Variants in IPP observed in about 807,000 individuals in gnomAD.
IPP encodes the protein actin-binding protein IPP.
IPP carries 41 observed loss-of-function variants against 64.1 expected under a neutral mutation model. The ratio of observed to expected loss-of-function variants is 0.64; its 90% CI spans 0.50 to 0.83. The LOEUF (loss-of-function observed/expected upper bound fraction) is 0.83. Ranked by LOEUF, IPP falls within the 40% of genes least tolerant of loss-of-function variation. The pLI, the probability that IPP is intolerant of heterozygous loss-of-function variation, is 0.00. For synonymous variants in IPP, 214 were observed against 235.2 expected, an observed-to-expected ratio of 0.91 and a Z score of 0.83; for missense variants, 649 against 703.0, an observed-to-expected ratio of 0.92 and a Z score of 0.87.
chr1:45,746,426 A>C lies in IPP; in HGVS notation c.-15T>G. 6.3e-7 allele frequency: 1 copy of C among 1,588,314 alleles called. No homozygotes were observed. Among genetic ancestry groups the C allele is most frequent in the Non-Finnish European group, 8.6e-7 (1 of 1,160,644 alleles). The stretch of plus-strand genomic sequence containing the variant: ...TCATTAGCCATGATGACGGTAGATT[A>C]ATTAAAAGGACTGTTGCCCATAATC... On this transcript the variant is annotated 5_prime_UTR_variant, in exon 2 of 9. It adds an upstream start codon to the 5' untranslated region. Transcript: ENST00000396478.
chr1:45,722,944 A>G lies in IPP; in HGVS notation c.1049-3604T>C, dbSNP rs968974723. 5.9e-5 allele frequency among the ~76,000 whole-genome samples: 9 copies of G among 152,360 alleles called. 1 individual carries two copies. Among genetic ancestry groups the G allele is most frequent in the Admixed American group, 1.3e-4 (2 of 15,294 alleles). Reference sequence around the variant, plus strand: ...GGCAAGCCATAGAGACATAAAGTAGATTAGCGGTTACTAGGGTTTAGGAGG... The same window carrying G: ...GGCAAGCCATAGAGACATAAAGTAGGTTAGCGGTTACTAGGGTTTAGGAGG... On this transcript the variant is annotated intron_variant, in intron 5 of 8. Transcript: ENST00000396478.
rs149179275 is a variant in IPP, at chr1:45,741,310, A to G, written c.315T>C (p.Asn105=). The change falls in exon 3 of 9, where the codon AAT becomes AAC. Residue 105 remains asparagine (N), a synonymous_variant. Coordinates refer to ENST00000396478, the MANE Select transcript of IPP (RefSeq NM_005897.3). ...IYTGIVNIGV[N]NVQELIIAAD... is the part of the protein sequence containing the mutation. Reference sequence around the variant, plus strand: ...CTGCAATAATCAACTCCTGGACATTATTCACACCTATGTTCACTATACCTA... The same window carrying G: ...CTGCAATAATCAACTCCTGGACATTGTTCACACCTATGTTCACTATACCTA... The G allele has an allele frequency of 7.9e-5, 127 of 1,611,954 alleles. No homozygotes were observed. Among genetic ancestry groups the G allele is most frequent in the Non-Finnish European group, 1.0e-4 (119 of 1,178,472 alleles).
intron 7 of IPP, among the ~76,000 whole-genome samples, chr1:45,716,114 T>C (rs1011060611): frequency 6.6e-6 from 1 of 152,200 alleles, no homozygotes; most frequent in East Asian, 1.9e-4. Flanking sequence ...ATTAAAATAA[T>C]GTTTGTATAC....
intron 8 of IPP, among the ~76,000 whole-genome samples, chr1:45,708,679 C>CAAAA (rs770829388): frequency 2.8e-5 from 1 of 36,042 alleles, no homozygotes; most frequent in African/African-American, 9.4e-5. Context: ...AACTCACCTC[C>CAAAA]AAAAAAAAAA....
Position 45,714,366 on chromosome 1 carries a change from T to A in IPP, c.1410A>T (p.Pro470=), listed in dbSNP as rs150261873. The change falls in exon 8 of 9, where the codon CCA becomes CCT. Residue 470 remains proline, a synonymous_variant. Coordinates refer to ENST00000396478, the MANE Select transcript of IPP (RefSeq NM_005897.3). ...PLSKRWSPLP[P]MGTRRAYLGV... ...CAAGATATGCTCTCCTGGTTCCCAT[T>A]GGAGGAAGTGGAGACCAACGCTTAG... The A allele has an allele frequency of 1.2e-6, 2 of 1,613,794 alleles. No individual in the cohort carries two copies. The highest frequency in any genetic ancestry group is 3.3e-5 in the Admixed American group (2 of 60,000).
At position 45,719,213 on chromosome 1, in the gene IPP, G is replaced by C; in HGVS notation, c.1176C>G (p.Ile392Met). ...GAACAACATAATTACCCAAAGCATA[G>C]ATAGCCCCATAACACACACACACTC... is the stretch of plus-strand genomic sequence containing the variant. Reference protein sequence around the residue: ...GLGVCVCYGAIYALGGWVGAE... With the variant: ...GLGVCVCYGAMYALGGWVGAE... Residue 392 changes from isoleucine (I) to methionine (M), a missense_variant, in exon 6 of 9, where the codon ATC becomes ATG. Physicochemically the swap from Ile to Met is conservative, Grantham distance 10 (BLOSUM62 1). Transcript: ENST00000396478. 1.2e-6 allele frequency: 2 copies of C among 1,613,906 alleles called. No homozygotes were observed. Among genetic ancestry groups the C allele is most frequent in the East Asian group, 2.2e-5 (1 of 44,854 alleles).
intron 7 of IPP, 146 bp from the exon 8 acceptor site, chr1:45,714,612 T>C (rs1645633691): frequency 1.6e-6 from 1 of 624,150 alleles, no homozygotes; most frequent in African/African-American, 1.8e-5. Flanking sequence ...AAATCAACTT[T>C]GTCAACTTTA....
At chr1:45,714,656 G>A (rs1175908485) in intron 7 of IPP, among the ~76,000 whole-genome samples, 190 bp from the exon 8 acceptor site, 1 of 152,152 alleles carries the variant, frequency 6.6e-6, no homozygotes, top group African/African-American at 2.4e-5. Context: ...CAAAAAATTA[G>A]TGGAATTAAT....
intron 4 of IPP, among the ~76,000 whole-genome samples, chr1:45,728,126 C>CTGTG (rs371114917): frequency 0.084 from 11,066 of 132,174 alleles, 466 homozygotes; most frequent in Admixed American, 0.12. Flanking sequence ...GAGTTGAAAG[C>CTGTG]TGTGTGTGTG....
chr1:45,732,016 A>G (rs1473312860), intron 3 of IPP, among the ~76,000 whole-genome samples: 1 of 152,096 alleles, frequency 6.6e-6, no homozygotes, highest in Non-Finnish European at 1.5e-5. Flanking sequence ...AACATCAGCT[A>G]CAAATAGACA....
chr1:45,712,890 T>A (rs901185918), intron 8 of IPP, among the ~76,000 whole-genome samples: 28 of 148,024 alleles, frequency 1.9e-4, no homozygotes, highest in Non-Finnish European at 3.3e-4. Context: ...TATATATATA[T>A]ATACACACCA....
At chr1:45,696,136 A>G (rs1166048088), downstream of IPP, among the ~76,000 whole-genome samples, 1 of 152,244 alleles carries the variant, frequency 6.6e-6, no homozygotes, top group Non-Finnish European at 1.5e-5. Flanking sequence ...ATAGAGGCAA[A>G]TCATATTTTT....
intron 3 of IPP, among the ~76,000 whole-genome samples, chr1:45,737,042 C>A (rs75522999): frequency 2.2e-3 from 252 of 112,728 alleles, no homozygotes; most frequent in East Asian, 3.5e-3. Context: ...GACTCCATCT[C>A]AAAAAAAAAA....
chr1:45,740,525 A>G (rs1646048216), intron 3 of IPP, among the ~76,000 whole-genome samples: 1 of 152,098 alleles, frequency 6.6e-6, no homozygotes, highest in East Asian at 1.9e-4. Flanking sequence ...TCCCTCCCAG[A>G]CAGGGCGGCT....
intron 8 of IPP, among the ~76,000 whole-genome samples, chr1:45,703,855 T>C (rs1645485378): frequency 1.3e-5 from 2 of 152,226 alleles, no homozygotes; most frequent in Admixed American, 6.6e-5. Flanking sequence ...CTCAATGCAA[T>C]GTAGCCTCCT....
At chr1:45,738,593 C>T (rs1646010724) in intron 3 of IPP, among the ~76,000 whole-genome samples, 1 of 151,962 alleles carries the variant, frequency 6.6e-6, no homozygotes, top group South Asian at 2.1e-4. Context: ...ACAATCCCAG[C>T]ACTTTGGGAG....
intron 3 of IPP, among the ~76,000 whole-genome samples, chr1:45,739,388 C>T (rs1236844440): frequency 6.7e-6 from 1 of 149,448 alleles, no homozygotes; most frequent in Admixed American, 6.7e-5. Flanking sequence ...TGCATGCCAC[C>T]GTGCTGGGCT....
intron 2 of IPP, among the ~76,000 whole-genome samples, chr1:45,743,238 T>C (rs1646090666): frequency 6.8e-6 from 1 of 147,836 alleles, no homozygotes; most frequent in South Asian, 2.1e-4. Flanking sequence ...ACACCCATCT[T>C]TTTTTTTTTT....
At chr1:45,709,432 C>CAAAATCAAA (rs1645560541) in intron 8 of IPP, among the ~76,000 whole-genome samples, 1 of 66,186 alleles carries the variant, frequency 1.5e-5, no homozygotes, top group Admixed American at 2.0e-4. Context: ...GACTCCGTCT[C>CAAAATCAAA]AAAAAAAAAA....
Sources: gnomAD v4.1 joint callset for allele counts (sites outside exome capture counted in the v4.1 genomes callset) on GRCh38, gnomAD v4.1.1 for gene constraint, MANE v1.5 for transcripts, NCBI Gene and HGNC (gene_info 2026-07-23, HGNC 2026-07-21) for gene names.